The following TBC1D1 variants were observed in gnomAD, a reference collection of about 807,000 sequenced individuals.
The protein encoded by TBC1D1 is TBC1 domain family member 1, also known as TBC1 (tre-2/USP6, BUB2, cdc16) domain family, member 1.
Under a neutral mutation model 125.6 loss-of-function variants are expected in TBC1D1, and 89 were observed. The observed-to-expected ratio is 0.71, with a 90% confidence interval of 0.60 to 0.85. TBC1D1 has a LOEUF of 0.85. Ranked by LOEUF, TBC1D1 falls within the 40% of genes least tolerant of loss-of-function variation. TBC1D1 has a pLI of 0.00. For synonymous variants in TBC1D1, 565 were observed against 564.1 expected (o/e 1.00, Z -0.02); for missense variants, 1,377 against 1,469.2 (o/e 0.94, Z 1.03).
chr4:38,038,559 A>T (rs1747662321), intron 8 of TBC1D1, among the ~76,000 whole-genome samples: 1 of 152,186 alleles, frequency 6.6e-6, no homozygotes. Flanking sequence ...TTAAATTTAC[A>T]TATGGTAGGT....
At position 38,052,722 on chromosome 4, in the gene TBC1D1, G is replaced by A. The variant is rs968391925; in HGVS notation, c.1911-1477G>A. ...CGTATATACACACACACGCGCGCGC[G>A]CGCGCGCACACACACACACACACAC... On this transcript the variant is annotated intron_variant, in intron 11 of 19. Coordinates refer to ENST00000261439, the MANE Select transcript of TBC1D1 (RefSeq NM_015173.4). Among the ~76,000 whole-genome samples the A allele has an allele frequency of 3.5e-3, 210 of 59,380 alleles. 1 individual carries two copies. The highest frequency in any genetic ancestry group is 5.0e-3 in the African/African-American group (76 of 15,168). 39.0% of individuals were successfully genotyped at this position (59,380 alleles called of 152,430 possible).
chr4:38,066,416 T>C (rs1353109988), intron 12 of TBC1D1, among the ~76,000 whole-genome samples: 1 of 152,076 alleles, frequency 6.6e-6, no homozygotes, highest in Non-Finnish European at 1.5e-5. Context: ...CACTGCAGCC[T>C]CGACCTCTTG....
intron 4 of TBC1D1, 58 bp from the exon 5 acceptor site, chr4:38,020,533 T>C (rs1409528627): frequency 7.2e-7 from 1 of 1,384,792 alleles, no homozygotes; most frequent in Non-Finnish European, 1.0e-6. Flanking sequence ...GAGGTGCATT[T>C]CTGAGGATGG....
rs921582431 is a variant in TBC1D1 at position 38,049,760 on chromosome 4, G to A, written c.1772G>A (p.Arg591Lys). The change falls in exon 11 of 20, where the codon AGG (arginine) becomes AAG (lysine). Residue 591 changes from arginine (R) to lysine (K), a missense_variant. Around this residue, in one of 3 missense-constraint regions of TBC1D1, gnomAD observed 822 missense variants for 824.6 expected, o/e 1.00. Transcript: ENST00000261439. ...CCGCTGTCGCCCCAGCAGGCCTTCA[G>A]GAGGCGAGCAAACACCCTGAGTCAC... 1 of 1,614,192 alleles carries A rather than the reference G, an allele frequency of 6.2e-7. No homozygotes were observed. The highest frequency in any genetic ancestry group is 8.5e-7 in the Non-Finnish European group (1 of 1,180,044).
chr4:38,098,475 C>A (rs987366122), intron 14 of TBC1D1, among the ~76,000 whole-genome samples: 1 of 152,180 alleles, frequency 6.6e-6, no homozygotes, highest in East Asian at 1.9e-4. Context: ...AATAGAAATA[C>A]TCTAGGAATC....
At chr4:38,072,707 G>A (rs1287031154) in intron 12 of TBC1D1, among the ~76,000 whole-genome samples, 1 of 152,112 alleles carries the variant, frequency 6.6e-6, no homozygotes, top group Non-Finnish European at 1.5e-5. Context: ...ACATTGTTGT[G>A]CAATGGATCT....
At position 37,995,659 on chromosome 4, in the gene TBC1D1, A is replaced by G. The variant is rs1737647407; in HGVS notation, c.418-18850A>G. The stretch of plus-strand genomic sequence containing the variant: ...CTTTTGCACCAACGCCTGGTAATCC[A>G]TTACATGGGTCTCCTTGGAGGCCTT... On this transcript the variant is annotated intron_variant, in intron 2 of 19. Coordinates refer to ENST00000261439, the MANE Select transcript of TBC1D1 (RefSeq NM_015173.4). The surrounding 1 kb of genome is among the most constrained non-coding windows in gnomAD (Gnocchi z 4.3). 7.7e-6 allele frequency: 4 copies of G among 516,140 alleles called. No individual in the cohort carries two copies. Among genetic ancestry groups the G allele is most frequent in the South Asian group, 5.6e-5 (4 of 71,254 alleles). The allele number at this position is 516,140 out of a possible 1,614,324, so 32.0% of individuals were successfully genotyped here.
intron 2 of TBC1D1, among the ~76,000 whole-genome samples, chr4:37,949,877 T>C (rs1727476364): frequency 6.6e-6 from 1 of 152,230 alleles, no homozygotes; most frequent in South Asian, 2.1e-4. Context: ...GGATTTGACC[T>C]GCTGACTGTA....
At chr4:38,041,355 A>ATAC (rs1421686466) in intron 8 of TBC1D1, among the ~76,000 whole-genome samples, 1 of 152,230 alleles carries the variant, frequency 6.6e-6, no homozygotes, top group Admixed American at 6.5e-5. Context: ...TCCTATACTG[A>ATAC]TACTGGGAAC....
At chr4:37,895,349 C>G (rs990320169) in intron 1 of TBC1D1, among the ~76,000 whole-genome samples, 1 of 152,152 alleles carries the variant, frequency 6.6e-6, no homozygotes, top group Admixed American at 6.6e-5. Context: ...TCGCCCATTT[C>G]CCACCCTTTT....
At chr4:38,067,612 G>A (rs78931281) in intron 12 of TBC1D1, among the ~76,000 whole-genome samples, 1,695 of 152,246 alleles carry the variant, frequency 0.011, 32 homozygotes, top group African/African-American at 0.038. Flanking sequence ...ATACCTTTCC[G>A]GACAAAGTGG....
At chr4:38,115,098 CTTT>C (rs56997021) in intron 15 of TBC1D1, among the ~76,000 whole-genome samples, 4 of 134,630 alleles carry the variant, frequency 3.0e-5, no homozygotes, top group Non-Finnish European at 4.8e-5. Flanking sequence ...TTTCTTTTTT[CTTT>C]TTTTTTTTTT....
intron 2 of TBC1D1, among the ~76,000 whole-genome samples, chr4:37,917,881 C>G (rs1720065084): frequency 6.6e-6 from 1 of 152,064 alleles, no homozygotes; most frequent in Admixed American, 6.6e-5. Context: ...TGCTTCCAAA[C>G]AGATACAGTC....
intron 13 of TBC1D1, among the ~76,000 whole-genome samples, chr4:38,092,751 A>G (rs1758636345): frequency 7.0e-6 from 1 of 142,910 alleles, no homozygotes; most frequent in Non-Finnish European, 1.5e-5. Flanking sequence ...AAAAAAAAAA[A>G]GAAAGAAGTA....
chr4:38,016,345 G>A (rs1051337400), intron 3 of TBC1D1, among the ~76,000 whole-genome samples: 3 of 152,238 alleles, frequency 2.0e-5, no homozygotes, highest in African/African-American at 7.2e-5. Context: ...CCTAAAGGCA[G>A]GGATGGTGCC....
intron 14 of TBC1D1, among the ~76,000 whole-genome samples, chr4:38,102,415 T>C (rs141661020): frequency 6.6e-6 from 1 of 152,156 alleles, no homozygotes; most frequent in East Asian, 1.9e-4. Context: ...TCGTATTCTT[T>C]ATTCCTTGCA....
Position 38,115,862 on chromosome 4 carries a change from A to G in TBC1D1, c.2710A>G (p.Met904Val), listed in dbSNP as rs139639988. The stretch of plus-strand genomic sequence containing the variant: ...TGTAGCAGGCATTTTGCTTCTTCAT[A>G]TGAGTGAGGAAGAGGCGTTTAAAAT... The change falls in exon 16 of 20, where the codon ATG becomes GTG. Residue 904 changes from methionine to valine, a missense_variant. By Grantham distance (21) the Met-to-Val change is conservative. Transcript: ENST00000261439. The G allele has an allele frequency of 5.0e-6, 8 of 1,614,040 alleles. No homozygotes were observed. The highest frequency in any genetic ancestry group is 3.3e-5 in the Admixed American group (2 of 60,000).
At chr4:37,898,935 G>T (rs1715231514) in intron 1 of TBC1D1, among the ~76,000 whole-genome samples, 1 of 152,146 alleles carries the variant, frequency 6.6e-6, no homozygotes, top group South Asian at 2.1e-4. Flanking sequence ...ACCAAGGAGG[G>T]CATTTTAGGG....
At chr4:38,011,133 C>G (rs1447096766) in intron 2 of TBC1D1, among the ~76,000 whole-genome samples, 1 of 152,112 alleles carries the variant, frequency 6.6e-6, no homozygotes, top group South Asian at 2.1e-4. Flanking sequence ...GGGTGGATCA[C>G]TTGAGGTCAG....
Sources: allele counts gnomAD v4.1 joint callset (sites outside exome capture counted in the v4.1 genomes callset), GRCh38; gene constraint gnomAD v4.1.1; regional missense constraint gnomAD v4.1.1; non-coding constraint Gnocchi (gnomAD v3.1); transcripts MANE v1.5; gene names NCBI Gene and HGNC (gene_info 2026-07-23, HGNC 2026-07-21).